The following SLC2A13 variants were observed in gnomAD, a reference collection of about 807,000 sequenced individuals.
SLC2A13 encodes solute carrier family 2 member 13.
A neutral mutation model predicts 64.4 loss-of-function variants in SLC2A13; 32 were observed. The ratio of observed to expected loss-of-function variants is 0.50; its 90% confidence interval spans 0.37 to 0.67. The LOEUF is 0.67. SLC2A13 is among the 30% of genes least tolerant of loss of function. The probability of loss-of-function intolerance (pLI) is 0.00; values close to 1 mark genes in which losing one functional copy is unlikely to be tolerated. For synonymous variants in SLC2A13, 338 were observed against 327.1 expected, an observed-to-expected ratio of 1.03 and a Z score of -0.36; for missense variants, 743 against 829.2, an observed-to-expected ratio of 0.90 and a Z score of 1.28.
At chr12:39,990,849 C>T (rs1349777723) in intron 3 of SLC2A13, among the ~76,000 whole-genome samples, 1 of 152,190 alleles carries the variant, frequency 6.6e-6, no homozygotes, top group Admixed American at 6.5e-5. Flanking sequence ...AACCTCCAAA[C>T]TCACACAAAC....
intron 7 of SLC2A13, among the ~76,000 whole-genome samples, chr12:39,805,047 A>AGCCTGCTGGAGGGAGAC (rs1941928993): frequency 6.6e-6 from 1 of 152,066 alleles, no homozygotes; most frequent in Non-Finnish European, 1.5e-5. Context: ...TGGAGGGAGA[A>AGCCTGCTGGAGGGAGAC]GCCTGCTGGA....
At chr12:39,920,065 G>C (rs1179989161) in intron 4 of SLC2A13, among the ~76,000 whole-genome samples, 1 of 151,908 alleles carries the variant, frequency 6.6e-6, no homozygotes, top group Non-Finnish European at 1.5e-5. Flanking sequence ...ATCCTGCCTG[G>C]CCTGTGCTCA....
chr12:39,764,966 T>A, intron 7 of SLC2A13, 108 bp from the exon 8 acceptor site: 1 of 1,258,362 alleles, frequency 7.9e-7, no homozygotes, highest in Non-Finnish European at 1.1e-6. Flanking sequence ...GTCTTAAGAG[T>A]CCAAAATGTT....
At chr12:39,796,528 T>C (rs1941581345) in intron 7 of SLC2A13, among the ~76,000 whole-genome samples, 1 of 152,170 alleles carries the variant, frequency 6.6e-6, no homozygotes, top group Admixed American at 6.5e-5. Context: ...TTTTCCTTTT[T>C]TTCCATTTTT....
At chr12:40,101,997 G>C (rs1939166820) in intron 1 of SLC2A13, among the ~76,000 whole-genome samples, 1 of 152,034 alleles carries the variant, frequency 6.6e-6, no homozygotes, top group Admixed American at 6.5e-5. Context: ...GCACTTTTCT[G>C]GCTACATCTA....
intron 7 of SLC2A13, among the ~76,000 whole-genome samples, chr12:39,789,029 A>T (rs940330303): frequency 6.6e-6 from 1 of 152,140 alleles, no homozygotes; most frequent in African/African-American, 2.4e-5. Context: ...TCTGTTATAC[A>T]TACAAAGAAG....
intron 7 of SLC2A13, among the ~76,000 whole-genome samples, chr12:39,800,040 C>G (rs971952420): frequency 3.9e-5 from 6 of 152,040 alleles, no homozygotes; most frequent in Non-Finnish European, 8.8e-5. Flanking sequence ...AGATTTTTGC[C>G]AAGTAAACAT....
At chr12:40,039,598 T>G (rs769324659) in intron 2 of SLC2A13, among the ~76,000 whole-genome samples, 1 of 152,200 alleles carries the variant, frequency 6.6e-6, no homozygotes, top group Non-Finnish European at 1.5e-5. Context: ...GATAAAAACA[T>G]GCATCTTTCA....
intron 6 of SLC2A13, among the ~76,000 whole-genome samples, chr12:39,846,904 G>C (rs1161732347): frequency 6.6e-6 from 1 of 152,144 alleles, no homozygotes; most frequent in African/African-American, 2.4e-5. Context: ...GGCAGATACT[G>C]TGACCATTCT....
intron 4 of SLC2A13, among the ~76,000 whole-genome samples, chr12:39,915,321 A>G (rs1945505013): frequency 6.6e-6 from 1 of 152,040 alleles, no homozygotes; most frequent in Admixed American, 6.6e-5. Context: ...ATTTTCAGTA[A>G]TGTTAATCAT....
intron 2 of SLC2A13, 26 bp from the exon 3 acceptor site, chr12:40,028,535 A>G: frequency 6.2e-7 from 1 of 1,609,876 alleles, no homozygotes; most frequent in South Asian, 1.1e-5. Context: ...ATCCACATTT[A>G]CTGTAAAATT....
At chr12:40,101,224 A>G (rs529734821) in intron 1 of SLC2A13, among the ~76,000 whole-genome samples, 42 of 152,314 alleles carry the variant, frequency 2.8e-4, no homozygotes, top group Non-Finnish European at 5.7e-4. Flanking sequence ...GCCATATTTA[A>G]AACAGGCACG....
At chr12:40,075,067 C>T (rs1484998947) in intron 1 of SLC2A13, among the ~76,000 whole-genome samples, 1 of 152,132 alleles carries the variant, frequency 6.6e-6, no homozygotes, top group East Asian at 1.9e-4. Flanking sequence ...CATTTAAAAA[C>T]AAAACAAAAC....
chr12:39,792,366 T>C (rs1255916719), intron 7 of SLC2A13, among the ~76,000 whole-genome samples: 1 of 151,732 alleles, frequency 6.6e-6, no homozygotes, highest in Non-Finnish European at 1.5e-5. Flanking sequence ...AAAGCCAAAA[T>C]TGACAAATGG....
intron 1 of SLC2A13, among the ~76,000 whole-genome samples, chr12:40,060,142 C>T (rs1037144293): frequency 9.2e-5 from 14 of 152,048 alleles, no homozygotes; most frequent in Non-Finnish European, 1.6e-4. Flanking sequence ...GATGGACAGA[C>T]AGCTCATATC....
intron 3 of SLC2A13, among the ~76,000 whole-genome samples, chr12:39,972,016 T>A (rs796615894): frequency 0.12 from 2,144 of 17,190 alleles, 66 homozygotes; most frequent in African/African-American, 0.17. Context: ...ATATATATAT[T>A]TTTTTTTATA....
At chr12:40,035,798 T>C (rs538744503) in intron 2 of SLC2A13, among the ~76,000 whole-genome samples, 37 of 152,300 alleles carry the variant, frequency 2.4e-4, no homozygotes, top group Admixed American at 5.2e-4. Flanking sequence ...AGCATATAAG[T>C]GGCTTGGCCA....
intron 4 of SLC2A13, among the ~76,000 whole-genome samples, chr12:39,892,812 A>C (rs752415769): frequency 6.6e-6 from 1 of 152,182 alleles, no homozygotes; most frequent in Non-Finnish European, 1.5e-5. Flanking sequence ...ATATTGACAG[A>C]AGATGAAAAG....
intron 3 of SLC2A13, among the ~76,000 whole-genome samples, chr12:39,991,032 A>G (rs987174339): frequency 6.6e-6 from 1 of 152,196 alleles, no homozygotes; most frequent in Admixed American, 6.5e-5. Flanking sequence ...CTAAAAATCA[A>G]TCTGTGAGCC....
Sources: allele counts gnomAD v4.1 joint callset (sites outside exome capture counted in the v4.1 genomes callset), GRCh38; gene constraint gnomAD v4.1.1; transcripts MANE v1.5; gene names NCBI Gene and HGNC (gene_info 2026-07-23, HGNC 2026-07-21).